The following MED12L variants were observed in gnomAD, a reference collection of about 807,000 sequenced individuals.
MED12L encodes the protein mediator of RNA polymerase II transcription subunit 12-like protein.
In MED12L, 60 loss-of-function variants were observed where a neutral mutation model predicts 281.3. The observed-to-expected ratio is 0.21, with a 90% CI of 0.17 to 0.26. MED12L has a LOEUF of 0.26. Among genes scored for constraint, MED12L ranks in the 10% least tolerant of loss-of-function variants. MED12L has a pLI of 1.00. For synonymous variants in MED12L, 974 were observed against 987.2 expected, an observed-to-expected ratio of 0.99 and a Z score of 0.25; for missense variants, 2,146 against 2,680.9, an observed-to-expected ratio of 0.80 and a Z score of 4.41.
intron 11 of MED12L, among the ~76,000 whole-genome samples, chr3:151,167,900 A>G (rs906471350): frequency 1.3e-5 from 2 of 152,154 alleles, no homozygotes; most frequent in Non-Finnish European, 2.9e-5. Context: ...GGGATCTTGG[A>G]TTGTTTAGCT....
At chr3:151,417,467 TC>T (rs1382091317) in intron 43 of MED12L, among the ~76,000 whole-genome samples, 3 of 91,554 alleles carry the variant, frequency 3.3e-5, no homozygotes, top group African/African-American at 4.3e-5. Flanking sequence ...TTTGTTCCGC[TC>T]CCCCAGCTCC....
Position 151,434,929 on chromosome 3 carries a change from G to A in MED12L, c.*2125G>A, listed in dbSNP as rs74973313. ...TTTTTAGGTGAGGAAGTTATGCTAC[G>A]ACTCTAATTAATTCCACGATTCTAT... On this transcript the variant is annotated 3_prime_UTR_variant, in exon 45 of 45. Transcript: ENST00000687756. 4 of 152,190 alleles carry A rather than the reference G, an allele frequency of 2.6e-5. No homozygotes were observed. Among genetic ancestry groups the A allele is most frequent in the East Asian group, 3.9e-4 (2 of 5,180 alleles). The allele number at this position is 152,190 out of a possible 1,614,324, so 9.4% of individuals were successfully genotyped here.
rs191372981 is a variant in MED12L at position 151,394,937 on chromosome 3, A to G, written c.5820+70A>G. On this transcript the variant is annotated intron_variant, in intron 39 of 44. Transcript: ENST00000687756. ...TCTGCTAGCTTGGGATAAGTTTGGGATATGTAGCATATTCTTTCTGTATGC... is the reference window on the plus strand; with the variant it reads ...TCTGCTAGCTTGGGATAAGTTTGGGGTATGTAGCATATTCTTTCTGTATGC... 1.5e-5 allele frequency: 24 copies of G among 1,593,278 alleles called. No individual in the cohort carries two copies. The Admixed American group carries it at 2.0e-4, about 14-fold the overall frequency.
intron 16 of MED12L, among the ~76,000 whole-genome samples, chr3:151,233,137 T>C (rs574224149): frequency 6.6e-6 from 1 of 152,230 alleles, no homozygotes; most frequent in African/African-American, 2.4e-5. Flanking sequence ...CCCCTGAACA[T>C]CTCTAGTTTC....
chr3:151,402,792 C>A (rs535458272), intron 39 of MED12L, among the ~76,000 whole-genome samples: 1 of 152,320 alleles, frequency 6.6e-6, no homozygotes, highest in South Asian at 2.1e-4. Context: ...CTTATAGGGC[C>A]TATGTTTTTA....
chr3:151,120,354 A>G (rs546951396), intron 3 of MED12L, among the ~76,000 whole-genome samples: 2 of 152,252 alleles, frequency 1.3e-5, no homozygotes, highest in Non-Finnish European at 2.9e-5. Flanking sequence ...AAATTGCAGA[A>G]TTATACAGTC....
intron 32 of MED12L, among the ~76,000 whole-genome samples, chr3:151,381,233 G>T (rs373189293): frequency 2.6e-5 from 4 of 152,200 alleles, no homozygotes; most frequent in African/African-American, 9.6e-5. Flanking sequence ...CCCTCGAATG[G>T]TACTAGATGG....
intron 35 of MED12L, among the ~76,000 whole-genome samples, chr3:151,384,451 G>T (rs1220986334): frequency 1.3e-5 from 2 of 152,028 alleles, no homozygotes; most frequent in African/African-American, 4.8e-5. Flanking sequence ...ATTTTTTAAA[G>T]AACTTTAGAA....
intron 16 of MED12L, chr3:151,269,397 T>TCTCACACACACACACA (rs925857835): frequency 6.9e-6 from 1 of 144,512 alleles, no homozygotes; most frequent in African/African-American, 2.9e-5. Flanking sequence ...TGAAACTCCA[T>TCTCACACACACACACA]CACACACACA....
chr3:151,189,760 G>T (rs1459709319), intron 13 of MED12L, among the ~76,000 whole-genome samples: 1 of 152,160 alleles, frequency 6.6e-6, no homozygotes, highest in African/African-American at 2.4e-5. Flanking sequence ...AGCTTTGCAG[G>T]TTCATCTTAC....
intron 5 of MED12L, among the ~76,000 whole-genome samples, chr3:151,141,022 G>A (rs887268609): frequency 2.0e-5 from 3 of 151,940 alleles, no homozygotes; most frequent in East Asian, 1.9e-4. Context: ...CACCCGCCAC[G>A]ACGCCCAGCT....
chr3:151,334,663 CT>C (rs1233524455), intron 16 of MED12L, among the ~76,000 whole-genome samples: 1 of 151,974 alleles, frequency 6.6e-6, no homozygotes, highest in Non-Finnish European at 1.5e-5. Flanking sequence ...CCACGCCCAG[CT>C]AATTTTTATT....
At chr3:151,428,762 T>A (rs540914828) in intron 43 of MED12L, among the ~76,000 whole-genome samples, 1 of 152,050 alleles carries the variant, frequency 6.6e-6, no homozygotes, top group South Asian at 2.1e-4. Flanking sequence ...TAAATTTGAG[T>A]TTCAGGTAAA....
chr3:151,331,100 A>G (rs1750299793), intron 16 of MED12L, among the ~76,000 whole-genome samples: 1 of 152,240 alleles, frequency 6.6e-6, no homozygotes, highest in Non-Finnish European at 1.5e-5. Context: ...GAAACTTTCC[A>G]AAGAGGAACT....
chr3:151,344,287 T>C (rs960532676), intron 16 of MED12L, among the ~76,000 whole-genome samples: 18 of 131,050 alleles, frequency 1.4e-4, no homozygotes, highest in Non-Finnish European at 2.7e-4. Context: ...ATATACTCTA[T>C]GTATAGTTAC....
intron 2 of MED12L, among the ~76,000 whole-genome samples, chr3:151,089,218 A>G (rs1040079435): frequency 4.6e-5 from 7 of 152,208 alleles, no homozygotes; most frequent in Non-Finnish European, 7.3e-5. Context: ...TCATGTTTAC[A>G]TACTATTTTT....
At chr3:151,288,499 C>A (rs1311477287) in intron 16 of MED12L, among the ~76,000 whole-genome samples, 6 of 152,112 alleles carry the variant, frequency 3.9e-5, no homozygotes, top group Admixed American at 3.9e-4. Flanking sequence ...GTTTGGGTCA[C>A]AAATATTTGT....
intron 16 of MED12L, among the ~76,000 whole-genome samples, chr3:151,246,406 C>T (rs1409993582): frequency 1.3e-5 from 2 of 152,062 alleles, no homozygotes; most frequent in East Asian, 1.9e-4. Flanking sequence ...CAGCATGGTA[C>T]TGGTACCAAA....
At chr3:151,208,985 G>C (rs911605146) in intron 16 of MED12L, among the ~76,000 whole-genome samples, 3 of 152,264 alleles carry the variant, frequency 2.0e-5, no homozygotes, top group African/African-American at 7.2e-5. Context: ...CTGTGTTGCA[G>C]GTCCCCAAAA....
Sources: allele counts gnomAD v4.1 joint callset (sites outside exome capture counted in the v4.1 genomes callset), GRCh38; gene constraint gnomAD v4.1.1; transcripts MANE v1.5; gene names NCBI Gene and HGNC (gene_info 2026-07-23, HGNC 2026-07-21).